The following TMEM272 variants were observed in gnomAD, a reference collection of about 807,000 sequenced individuals.
The protein encoded by TMEM272 is long intergenic non-protein coding RNA 282.
TMEM272 carries 8 observed loss-of-function variants against 3.7 expected under a neutral mutation model. The ratio of observed to expected loss-of-function variants is 2.17; its 90% CI spans 1.27 to 3.91. The LOEUF is 3.91. Among genes scored for constraint, TMEM272 ranks in the 30% most tolerant of loss-of-function variants. TMEM272 has a pLI of 0.00. For missense variants in TMEM272, 166 were observed against 91.5 expected (o/e 1.81, Z -3.32); for synonymous variants, 63 against 39.8 (o/e 1.58, Z -2.20).
the TMEM272 span, among the ~76,000 whole-genome samples, chr13:51,928,972 G>A: frequency 2.0e-5 from 3 of 152,222 alleles, no homozygotes; most frequent in African/African-American, 7.2e-5. Context: ...GCCAAGATGA[G>A]GGGATCACGA....
At chr13:51,895,685 T>C in the TMEM272 span, among the ~76,000 whole-genome samples, 2 of 152,062 alleles carry the variant, frequency 1.3e-5, no homozygotes, top group Admixed American at 6.5e-5. Flanking sequence ...CACCACTGCC[T>C]ACATCCCCCC....
chr13:51,894,074 C>T, the TMEM272 span, among the ~76,000 whole-genome samples: 1 of 152,206 alleles, frequency 6.6e-6, no homozygotes, highest in African/African-American at 2.4e-5. Flanking sequence ...AGACACACCA[C>T]ACCCCCTGCA....
rs573343549 is a variant in TMEM272 at position 51,841,479 on chromosome 13, T to C, written c.-23-2926A>G. Among the ~76,000 whole-genome samples the C allele has an allele frequency of 1.3e-3, 197 of 152,368 alleles. 2 individuals carry two copies. The highest frequency in any genetic ancestry group is 3.4e-3 in the Middle Eastern group (1 of 294). On this transcript the variant is annotated intron_variant, in intron 1 of 4. Transcript: ENST00000629372. ...TTTGCAGAAACTAACGAGATGGGTC[T>C]GTGTCACATTATAACAAGACATTTC...
the TMEM272 span, among the ~76,000 whole-genome samples, chr13:51,873,762 G>A: frequency 7.2e-5 from 11 of 152,086 alleles, no homozygotes; most frequent in Non-Finnish European, 1.6e-4. Context: ...TCCTGACCTC[G>A]CGATCCTTCT....
At chr13:51,915,957 C>T in the TMEM272 span, among the ~76,000 whole-genome samples, 1 of 152,068 alleles carries the variant, frequency 6.6e-6, no homozygotes, top group South Asian at 2.1e-4. Flanking sequence ...CATGTAGTCC[C>T]AGCTACTCGG....
At chr13:51,860,368 G>C in the TMEM272 span, among the ~76,000 whole-genome samples, 1 of 152,158 alleles carries the variant, frequency 6.6e-6, no homozygotes, top group East Asian at 1.9e-4. Flanking sequence ...GGCCAGGTGT[G>C]ATGGCTCACA....
intron 1 of TMEM272, among the ~76,000 whole-genome samples, chr13:51,840,168 C>G (rs1593599853): frequency 6.6e-6 from 1 of 152,120 alleles, no homozygotes; most frequent in African/African-American, 2.4e-5. Context: ...GAGACTCTAT[C>G]TGAAACCTGG....
chr13:51,841,283 T>C (rs1027223910), intron 1 of TMEM272, among the ~76,000 whole-genome samples: 2 of 152,206 alleles, frequency 1.3e-5, no homozygotes, highest in African/African-American at 4.8e-5. Context: ...CCACAGCATT[T>C]TTCTCCTGGA....
At chr13:51,897,647 C>T in the TMEM272 span, among the ~76,000 whole-genome samples, 1 of 151,946 alleles carries the variant, frequency 6.6e-6, no homozygotes, top group African/African-American at 2.4e-5. Context: ...TAGAACAAGG[C>T]TGGGCGCAGT....
chr13:51,848,308 G>C (rs1157105989), upstream of TMEM272, among the ~76,000 whole-genome samples: 1 of 152,126 alleles, frequency 6.6e-6, no homozygotes, highest in African/African-American at 2.4e-5. Flanking sequence ...AGAGATTAAA[G>C]GCATATGGCT....
At chr13:51,872,996 G>A in the TMEM272 span, among the ~76,000 whole-genome samples, 1 of 152,222 alleles carries the variant, frequency 6.6e-6, no homozygotes, top group African/African-American at 2.4e-5. Flanking sequence ...CAGGAAGCAG[G>A]AGATCCAATA....
intron 3 of TMEM272, among the ~76,000 whole-genome samples, chr13:51,825,971 GT>G (rs1956121541): frequency 6.6e-6 from 1 of 151,980 alleles, no homozygotes. Context: ...CATTAGCAAT[GT>G]TCAGGAGCAT....
At chr13:51,902,800 G>A in the TMEM272 span, among the ~76,000 whole-genome samples, 2 of 152,248 alleles carry the variant, frequency 1.3e-5, no homozygotes, top group Non-Finnish European at 2.9e-5. Flanking sequence ...TTCATTGTCC[G>A]TTTAAGGCAC....
the TMEM272 span, among the ~76,000 whole-genome samples, chr13:51,890,373 G>T: frequency 6.6e-6 from 1 of 152,054 alleles, no homozygotes; most frequent in Non-Finnish European, 1.5e-5. Flanking sequence ...AGAGCTAGTT[G>T]TTAAAAAGAG....
chr13:51,838,958 C>T (rs955141727), intron 1 of TMEM272, among the ~76,000 whole-genome samples: 1 of 152,158 alleles, frequency 6.6e-6, no homozygotes, highest in African/African-American at 2.4e-5. Context: ...ACAGATGGCG[C>T]CTTAGAGACC....
chr13:51,895,421 T>C, the TMEM272 span, among the ~76,000 whole-genome samples: 1 of 152,110 alleles, frequency 6.6e-6, no homozygotes, highest in Non-Finnish European at 1.5e-5. Flanking sequence ...TGCAGGGAAA[T>C]CGAGCCACAA....
At chr13:51,867,635 A>C in the TMEM272 span, among the ~76,000 whole-genome samples, 2 of 152,260 alleles carry the variant, frequency 1.3e-5, no homozygotes, top group Admixed American at 1.3e-4. Flanking sequence ...GGCCAATGGA[A>C]AAATTGGCGC....
At chr13:51,903,962 T>TGC in the TMEM272 span, among the ~76,000 whole-genome samples, 1,451 of 151,962 alleles carry the variant, frequency 9.5e-3, 22 homozygotes, top group African/African-American at 0.034. Flanking sequence ...TGTGTGTGTG[T>TGC]GTGTGTGTGT....
the TMEM272 span, among the ~76,000 whole-genome samples, chr13:51,868,106 G>A: frequency 1.3e-5 from 2 of 152,198 alleles, no homozygotes; most frequent in Non-Finnish European, 2.9e-5. Context: ...AAGAAGGTGT[G>A]CAGCCAGCAT....
Sources: allele counts gnomAD v4.1 joint callset (sites outside exome capture counted in the v4.1 genomes callset), GRCh38; gene constraint gnomAD v4.1.1; transcripts MANE v1.5; gene names NCBI Gene and HGNC (gene_info 2026-07-23, HGNC 2026-07-21).